MUC5AC: variants seen among roughly 807,000 people sequenced by gnomAD.
The protein encoded by MUC5AC is mucin-5AC.
In MUC5AC, 158 loss-of-function variants were observed where a neutral mutation model predicts 169.7. The ratio of observed to expected loss-of-function variants is 0.93; its 90% confidence interval spans 0.82 to 1.06. The LOEUF (loss-of-function observed/expected upper bound fraction) is 1.06. Ranked by LOEUF, MUC5AC falls within the 50% of genes least tolerant of loss-of-function variation. MUC5AC has a pLI of 0.00. For synonymous variants in MUC5AC, 1,975 were observed against 1,237.0 expected (o/e 1.60, Z -12.52); for missense variants, 4,359 against 3,089.9 (o/e 1.41, Z -9.74).
intron 15 of MUC5AC, 81 bp downstream of exon 15, chr11:1,169,107 G>A (rs1257567457): frequency 6.9e-7 from 1 of 1,456,964 alleles, no homozygotes; most frequent in Non-Finnish European, 9.0e-7. Context: ...CAGGCAGCGA[G>A]GCCGGCCCTG....
chr11:1,195,048 C>T lies in MUC5AC; in HGVS notation c.15227C>T (p.Thr5076Met), dbSNP rs935758285. ...CTNDRKDECR[T>M]PRGTVVASCS... ...AACGACAGGAAGGATGAGTGCCGCACGCCTAGGGGGACGGTGGTCGCTTCC... is the reference window on the plus strand; with the variant it reads ...AACGACAGGAAGGATGAGTGCCGCATGCCTAGGGGGACGGTGGTCGCTTCC... The change falls in exon 36 of 49, where the codon ACG becomes ATG. Residue 5076 changes from threonine (T) to methionine (M), a missense_variant. Transcript: ENST00000621226. 6.7e-6 allele frequency: 5 copies of T among 751,042 alleles called. No homozygotes were observed. The highest frequency in any genetic ancestry group is 5.1e-5 in the African/African-American group (3 of 58,832). 46.5% of individuals were successfully genotyped at this position (751,042 alleles called of 1,614,324 possible).
chr11:1,174,019 T>G (rs1009480477), intron 16 of MUC5AC, among the ~76,000 whole-genome samples: 2 of 152,060 alleles, frequency 1.3e-5, no homozygotes, highest in Non-Finnish European at 2.9e-5. Flanking sequence ...ATTCATCCAC[T>G]CATTCACTCA....
intron 19 of MUC5AC, among the ~76,000 whole-genome samples, chr11:1,175,912 C>T (rs1860671561): frequency 1.4e-5 from 2 of 145,712 alleles, no homozygotes; most frequent in South Asian, 4.3e-4. Flanking sequence ...CATGCACACA[C>T]ACCCACTCAT....
In MUC5AC at chr11:1,190,254, C is replaced by A. The variant is rs1861054652; in HGVS notation, c.12109C>A (p.Pro4037Thr). 1.6e-5 allele frequency: 12 copies of A among 730,900 alleles called. No homozygotes were observed. The Admixed American group carries it at 2.2e-4, about 13-fold the overall frequency. The allele number at this position is 730,900 out of a possible 1,614,324, so 45.3% of individuals were successfully genotyped here. The part of the protein sequence containing the change: ...LVCRNQDQQG[P>T]FKMCLNYEVR... Reference sequence around the variant, plus strand: ...GTGCCGGAACCAGGACCAGCAGGGACCCTTCAAGATGTGCCTCAACTACGA... The same window carrying A: ...GTGCCGGAACCAGGACCAGCAGGGAACCTTCAAGATGTGCCTCAACTACGA... Residue 4037 changes from proline to threonine, a missense_variant, in exon 31 of 49, where the codon CCC becomes ACC. By Grantham distance (38) the Pro-to-Thr change is conservative (BLOSUM62 -1). Coordinates refer to ENST00000621226, the MANE Select transcript of MUC5AC (RefSeq NM_001304359.2).
intron 31 of MUC5AC, 123 bp from the exon 32 acceptor site, chr11:1,192,660 G>T: frequency 5.8e-6 from 4 of 687,140 alleles, no homozygotes; most frequent in Non-Finnish European, 1.1e-5. Context: ...GTGGCTGCTG[G>T]CATTCTCTGA....
Position 1,187,695 on chromosome 11 carries a change from C to G in MUC5AC, c.9550C>G (p.Pro3184Ala). The G allele has an allele frequency of 2.6e-6, 2 of 765,160 alleles. No homozygotes were observed. Among genetic ancestry groups the G allele is most frequent in the Non-Finnish European group, 4.8e-6 (2 of 417,842 alleles). The allele number at this position is 765,160 out of a possible 1,614,324, so 47.4% of individuals were successfully genotyped here. A position where few individuals can be genotyped will look rare whatever the true frequency, so the allele number is the denominator to read the frequency against. The change falls in exon 31 of 49, where the codon CCT becomes GCT. Residue 3184 changes from proline (P) to alanine (A), a missense_variant. Physicochemically the swap from Pro to Ala is conservative, Grantham distance 27 (BLOSUM62 -1). Transcript: ENST00000621226. ...CTCTACAACCAGCACAACCCCTGGTCCTGGAACCACTCCCAGCCCCGTTCC... is the reference window on the plus strand; with the variant it reads ...CTCTACAACCAGCACAACCCCTGGTGCTGGAACCACTCCCAGCCCCGTTCC... ...SASTTSTTPGPGTTPSPVPTT... is the reference protein window; with the variant it reads ...SASTTSTTPGAGTTPSPVPTT...
rs750354942 is a variant in MUC5AC, at chr11:1,199,799, A to G, written c.16585+35A>G. The G allele has an allele frequency of 9.6e-6, 7 of 729,794 alleles. No individual in the cohort carries two copies. In the Admixed American group the frequency reaches 1.3e-4, roughly 14 times the overall value. 45.2% of individuals were successfully genotyped at this position (729,794 alleles called of 1,614,324 possible). ...CAGCCTGCTGGGCGGGGCGGGCTCC[A>G]CCCTCAGAGGTCTAGGAGCAGCTGG... On this transcript the variant is annotated intron_variant, in intron 47 of 48. Transcript: ENST00000621226.
chr11:1,172,438 C>T lies in MUC5AC; in HGVS notation c.1880C>T (p.Ala627Val), dbSNP rs1860570840. ...CCTCCTCTGTCCACAGAGAAGTATG[C>T]TCAGCACTGGTGCTCGCAGCTGACC... The part of the protein sequence containing the change: ...CSLSVENEKY[A>V]QHWCSQLTDA... The change falls in exon 16 of 49, where the codon GCT becomes GTT. Residue 627 changes from alanine (A) to valine (V), a missense_variant. By Grantham distance (64) the Ala-to-Val change is moderately conservative. Coordinates refer to ENST00000621226, the MANE Select transcript of MUC5AC (RefSeq NM_001304359.2). The T allele has an allele frequency of 2.5e-6, 1 of 398,586 alleles. No homozygotes were observed. The allele number at this position is 398,586 out of a possible 1,614,324, so 24.7% of individuals were successfully genotyped here.
intron 40 of MUC5AC, 104 bp downstream of exon 40, chr11:1,197,012 C>A: frequency 2.9e-6 from 2 of 682,196 alleles, no homozygotes; most frequent in South Asian, 1.6e-5. Flanking sequence ...GCTCAGGGGT[C>A]GGGGTGTCCT....
intron 19 of MUC5AC, among the ~76,000 whole-genome samples, chr11:1,175,657 CAT>C (rs1860657695): frequency 1.2e-5 from 1 of 86,022 alleles, no homozygotes; most frequent in African/African-American, 4.4e-5. Context: ...CACACCCACT[CAT>C]ACACACGCAC....
At chr11:1,179,408 G>A (rs1317166272) in intron 26 of MUC5AC, among the ~76,000 whole-genome samples, 160 bp downstream of exon 26, 1 of 151,448 alleles carries the variant, frequency 6.6e-6, no homozygotes, top group Non-Finnish European at 1.5e-5. Context: ...TGACAGAGGG[G>A]TCCCTGGCAT....
At chr11:1,172,389 C>T (rs1240947825) in intron 15 of MUC5AC, 40 bp from the exon 16 acceptor site, 2 of 398,580 alleles carry the variant, frequency 5.0e-6, no homozygotes, top group Non-Finnish European at 8.8e-6. Flanking sequence ...GAGTGTGCTG[C>T]CTGATCTTAA....
At chr11:1,197,683 G>T in intron 41 of MUC5AC, 44 bp downstream of exon 41, 1 of 656,914 alleles carries the variant, frequency 1.5e-6, no homozygotes, top group South Asian at 1.6e-5. Context: ...GCAGGCAGGT[G>T]ACCCGGAGCC....
intron 11 of MUC5AC, among the ~76,000 whole-genome samples, chr11:1,167,520 C>T (rs1442719129): frequency 6.6e-6 from 1 of 152,342 alleles, no homozygotes; most frequent in Non-Finnish European, 1.5e-5. Context: ...TGTCTTGTTC[C>T]TGCCAGGAAG....
chr11:1,195,100 C>T lies in MUC5AC; in HGVS notation c.15279C>T (p.Asn5093=), dbSNP rs768798186. Reference sequence around the variant, plus strand: ...GCTCCGAGATGTCCGGCCTCTGGAACGTGAGCATACCCGACCAGCCAGCCT... The same window carrying T: ...GCTCCGAGATGTCCGGCCTCTGGAATGTGAGCATACCCGACCAGCCAGCCT... The part of the protein sequence containing the change: ...ASCSEMSGLW[N]VSIPDQPACH... Residue 5093 remains asparagine, a synonymous_variant, in exon 36 of 49, where the codon AAC becomes AAT. Coordinates refer to ENST00000621226, the MANE Select transcript of MUC5AC (RefSeq NM_001304359.2). The T allele has an allele frequency of 2.3e-4, 174 of 763,078 alleles. 4 individuals carry two copies. The Middle Eastern group carries it at 0.015, about 64-fold the overall frequency. 47.3% of individuals were successfully genotyped at this position (763,078 alleles called of 1,614,324 possible).
intron 26 of MUC5AC, 76 bp downstream of exon 26, chr11:1,179,324 G>T: frequency 5.8e-6 from 2 of 345,032 alleles, no homozygotes. Flanking sequence ...CCGCTGATGC[G>T]TGGGGTGTGT....
chr11:1,194,267 C>T lies in MUC5AC; in HGVS notation c.14913C>T (p.Asp4971=), dbSNP rs374785270. Residue 4971 remains aspartate (D), a synonymous_variant, in exon 34 of 49, where the codon GAC becomes GAT. Coordinates refer to ENST00000621226, the MANE Select transcript of MUC5AC (RefSeq NM_001304359.2). ...ACAACTACTTCTGCGGTGCGGAGGA[C>T]GGGCTCTCCTGCCCGAGGTCCATCA... ...LVDNYFCGAE[D]GLSCPRSIIL... is the part of the protein sequence containing the mutation. 7.1e-5 allele frequency: 54 copies of T among 763,814 alleles called. No homozygotes were observed. The highest frequency in any genetic ancestry group is 6.7e-4 in the Middle Eastern group (3 of 4,456). 47.3% of individuals were successfully genotyped at this position (763,814 alleles called of 1,614,324 possible). A position where few individuals can be genotyped will look rare whatever the true frequency, so the allele number is the denominator to read the frequency against.
rs965693505 is a variant in MUC5AC at position 1,200,636 on chromosome 11, C to T, written c.16899C>T (p.Pro5633=). The T allele has an allele frequency of 1.0e-5, 8 of 763,684 alleles. No homozygotes were observed. Among genetic ancestry groups the T allele is most frequent in the Middle Eastern group, 2.2e-4 (1 of 4,452 alleles). The allele number at this position is 763,684 out of a possible 1,614,324, so 47.3% of individuals were successfully genotyped here. Residue 5633 remains proline (P), a synonymous_variant, in exon 49 of 49, where the codon CCC becomes CCT. Transcript: ENST00000621226. The part of the protein sequence containing the change: ...GDTQHSEEAE[P]EPSQEAESGS... The stretch of plus-strand genomic sequence containing the variant: ...CCCAGCACTCGGAGGAGGCGGAACC[C>T]GAGCCCAGCCAGGAGGCAGAGAGTG...
In MUC5AC at chr11:1,190,360, G is replaced by T. The variant is rs1590147701; in HGVS notation, c.12215G>T (p.Gly4072Val). ...TPVTAPSTPS[G>V]RATSPTQSTS... ...GTGACAGCTCCTAGCACCCCTAGTGGGAGAGCCACCAGCCCAACTCAGAGC... is the reference window on the plus strand; with the variant it reads ...GTGACAGCTCCTAGCACCCCTAGTGTGAGAGCCACCAGCCCAACTCAGAGC... Residue 4072 changes from glycine (G) to valine (V), a missense_variant, in exon 31 of 49, where the codon GGG (glycine) becomes GTG (valine). Gly to Val is a moderately radical substitution (Grantham distance 109). Transcript: ENST00000621226. 7 of 653,862 alleles carry T rather than the reference G, an allele frequency of 1.1e-5. No individual in the cohort carries two copies. The highest frequency in any genetic ancestry group is 3.6e-5 in the African/African-American group (2 of 55,598). The allele number at this position is 653,862 out of a possible 1,614,324, so 40.5% of individuals were successfully genotyped here. A position where few individuals can be genotyped will look rare whatever the true frequency, so the allele number is the denominator to read the frequency against.
Sources: gnomAD v4.1 joint callset for allele counts (sites outside exome capture counted in the v4.1 genomes callset) on GRCh38, gnomAD v4.1.1 for gene constraint, MANE v1.5 for transcripts, NCBI Gene and HGNC (gene_info 2026-07-23, HGNC 2026-07-21) for gene names.